The following IL23R variants were observed in gnomAD, a reference collection of about 807,000 sequenced individuals.
The protein encoded by IL23R is interleukin-23 receptor.
Under a neutral mutation model 56.9 loss-of-function variants are expected in IL23R, and 34 were observed. The observed-to-expected ratio is 0.60, with a 90% CI of 0.45 to 0.80. IL23R has a LOEUF of 0.80. Among genes scored for constraint, IL23R ranks in the 30% least tolerant of loss-of-function variants. IL23R has a pLI of 0.00. For missense variants in IL23R, 635 were observed against 730.0 expected (o/e 0.87, Z 1.50); for synonymous variants, 230 against 249.2 (o/e 0.92, Z 0.73).
intron 5 of IL23R, among the ~76,000 whole-genome samples, chr1:67,205,916 TTTC>T (rs1269388211): frequency 1.9e-5 from 1 of 51,714 alleles, no homozygotes; most frequent in East Asian, 6.8e-4. Flanking sequence ...TCTTTCTTTC[TTTC>T]TTTCTTTTTC....
chr1:67,211,678 G>C (rs748904194), intron 6 of IL23R, among the ~76,000 whole-genome samples: 2 of 151,772 alleles, frequency 1.3e-5, no homozygotes, highest in African/African-American at 2.4e-5. Context: ...ATAGGAGTAT[G>C]TAATAGACTA....
At chr1:67,223,067 A>C (rs1650403735) in intron 7 of IL23R, among the ~76,000 whole-genome samples, 1 of 152,172 alleles carries the variant, frequency 6.6e-6, no homozygotes, top group Non-Finnish European at 1.5e-5. Context: ...CACCCTGGCC[A>C]ACATGGTGAA....
In IL23R at chr1:67,249,623, C is replaced by A. The variant is rs190355034; in HGVS notation, c.1149-6214C>A. Among the ~76,000 whole-genome samples, 889 of 152,142 alleles carry A rather than the reference C, an allele frequency of 5.8e-3. 8 individuals are homozygous for A. Among genetic ancestry groups the A allele is most frequent in the African/African-American group, 0.021 (857 of 41,510 alleles). ...ATTATTTAACCTGAAGAAGATTAAA[C>A]ATTGTTTTTATTTTGACAATCCCAT... On this transcript the variant is annotated intron_variant, in intron 9 of 10. Coordinates refer to ENST00000347310, the MANE Select transcript of IL23R (RefSeq NM_144701.3).
At chr1:67,201,640 A>G (rs1241597570) in intron 5 of IL23R, among the ~76,000 whole-genome samples, 2 of 150,668 alleles carry the variant, frequency 1.3e-5, no homozygotes, top group Non-Finnish European at 3.0e-5. Context: ...AAATTCTTAT[A>G]CTCTATACAC....
At chr1:67,146,916 A>T (rs1646684551) in intron 1 of IL23R, among the ~76,000 whole-genome samples, 1 of 152,194 alleles carries the variant, frequency 6.6e-6, no homozygotes, top group Non-Finnish European at 1.5e-5. Flanking sequence ...CTGGTTATAG[A>T]ACATCACTCC....
intron 1 of IL23R, 63 bp from the exon 2 acceptor site, chr1:67,168,029 T>C: frequency 1.1e-6 from 1 of 926,016 alleles, no homozygotes; most frequent in South Asian, 1.4e-5. Flanking sequence ...GGGAAAAATG[T>C]TATGCTTTTT....
At chr1:67,206,384 C>T (rs141638941) in intron 5 of IL23R, among the ~76,000 whole-genome samples, 4 of 152,068 alleles carry the variant, frequency 2.6e-5, no homozygotes, top group African/African-American at 9.6e-5. Context: ...CATCATGGCT[C>T]ACTGCAACCT....
In IL23R at chr1:67,168,151, G is replaced by T. The variant is rs1256418489; in HGVS notation, c.31G>T (p.Val11Leu). MNQVTIQWDA[V>L]IALYILFSWC... is the part of the protein sequence containing the mutation. ...TCAGGTCACTATTCAATGGGATGCA[G>T]TAATAGCCCTTTACATACTCTTCAG... The change falls in exon 2 of 11, where the codon GTA becomes TTA. Residue 11 changes from valine to leucine, a missense_variant. Coordinates refer to ENST00000347310, the MANE Select transcript of IL23R (RefSeq NM_144701.3). 6.2e-7 allele frequency: 1 copy of T among 1,612,132 alleles called. No individual in the cohort carries two copies. Among genetic ancestry groups the T allele is most frequent in the Non-Finnish European group, 8.5e-7 (1 of 1,178,430 alleles).
intron 7 of IL23R, among the ~76,000 whole-genome samples, chr1:67,222,491 C>G (rs1277238559): frequency 1.3e-5 from 2 of 152,108 alleles, no homozygotes; most frequent in African/African-American, 2.4e-5. Flanking sequence ...CAAGTTGATA[C>G]TGTTAACAAT....
intron 3 of IL23R, among the ~76,000 whole-genome samples, chr1:67,174,634 A>G (rs1646985712): frequency 6.6e-6 from 1 of 152,066 alleles, no homozygotes; most frequent in African/African-American, 2.4e-5. Context: ...CCACACCTGA[A>G]AAGTGAATAT....
At chr1:67,180,369 T>G (rs878958160) in intron 3 of IL23R, among the ~76,000 whole-genome samples, 1 of 152,180 alleles carries the variant, frequency 6.6e-6, no homozygotes, top group Non-Finnish European at 1.5e-5. Context: ...TTTACCATTA[T>G]GTAATGGCCT....
At chr1:67,173,893 A>T (rs934029942) in intron 3 of IL23R, among the ~76,000 whole-genome samples, 4 of 152,136 alleles carry the variant, frequency 2.6e-5, no homozygotes, top group Non-Finnish European at 5.9e-5. Context: ...CTTAAATGAA[A>T]CCACTAATTG....
chr1:67,194,129 G>C (rs1013912171), intron 4 of IL23R, among the ~76,000 whole-genome samples: 1 of 152,200 alleles, frequency 6.6e-6, no homozygotes, highest in African/African-American at 2.4e-5. Flanking sequence ...CCACCCTGCA[G>C]GCATCCTCAT....
At chr1:67,228,887 G>A (rs548225430) in intron 7 of IL23R, among the ~76,000 whole-genome samples, 1 of 152,136 alleles carries the variant, frequency 6.6e-6, no homozygotes, top group Non-Finnish European at 1.5e-5. Context: ...ATCTAGGATA[G>A]CCACTTCCTC....
chr1:67,198,610 C>G (rs1266898681), intron 4 of IL23R, among the ~76,000 whole-genome samples: 2 of 152,170 alleles, frequency 1.3e-5, no homozygotes, highest in Non-Finnish European at 2.9e-5. Flanking sequence ...TCCCTTTCCC[C>G]TCATCAAACC....
intron 4 of IL23R, among the ~76,000 whole-genome samples, chr1:67,185,605 C>T (rs1558233911): frequency 6.6e-6 from 1 of 152,130 alleles, no homozygotes; most frequent in South Asian, 2.1e-4. Context: ...CTTGCTCTCT[C>T]TCTCCACTTT....
At chr1:67,200,949 C>A in intron 5 of IL23R, 52 bp downstream of exon 5, 1 of 1,575,982 alleles carries the variant, frequency 6.3e-7, no homozygotes, top group Non-Finnish European at 8.7e-7. Flanking sequence ...TTTGTGCTGA[C>A]CTTGTCAAAT....
intron 7 of IL23R, among the ~76,000 whole-genome samples, chr1:67,223,763 G>A (rs564108908): frequency 2.6e-5 from 4 of 151,900 alleles, no homozygotes; most frequent in Admixed American, 1.3e-4. Context: ...ATGGCTGCAC[G>A]GCATTCTCGT....
chr1:67,253,759 A>T (rs1345093449), intron 9 of IL23R, among the ~76,000 whole-genome samples: 1 of 152,116 alleles, frequency 6.6e-6, no homozygotes, highest in Non-Finnish European at 1.5e-5. Context: ...AATACCCCAT[A>T]AAAAAATCAA....
Sources: allele counts gnomAD v4.1 joint callset (sites outside exome capture counted in the v4.1 genomes callset), GRCh38; gene constraint gnomAD v4.1.1; transcripts MANE v1.5; gene names NCBI Gene and HGNC (gene_info 2026-07-23, HGNC 2026-07-21).